Variants in CHM observed in about 807,000 individuals in gnomAD.
The protein encoded by CHM is rab proteins geranylgeranyltransferase component A 1.
Under a neutral mutation model 49.0 loss-of-function variants are expected in CHM, and 10 were observed. The observed-to-expected ratio is 0.20, with a 90% CI of 0.13 to 0.35. The LOEUF is 0.35. CHM is among the 10% of genes least tolerant of loss of function. The probability of loss-of-function intolerance (pLI) is 1.00; values close to 1 mark genes in which losing one functional copy is unlikely to be tolerated. For missense variants in CHM, 455 were observed against 478.4 expected (o/e 0.95, Z 0.46); for synonymous variants, 184 against 167.5 (o/e 1.10, Z -0.76).
At chrX:85,972,523 C>T (rs1047087734) in intron 4 of CHM, among the ~76,000 whole-genome samples, 3 of 113,259 alleles carry the variant, frequency 2.6e-5, no homozygotes, top group Non-Finnish European at 3.8e-5. Flanking sequence ...AGCTAAGGCC[C>T]GGTGAGAAAT....
chrX:85,987,982 G>A (rs1932002963), intron 2 of CHM, among the ~76,000 whole-genome samples: 2 of 111,669 alleles, frequency 1.8e-5, no homozygotes, highest in South Asian at 7.6e-4. Flanking sequence ...AAAAAAATGA[G>A]GGACTCCTCC....
chrX:85,976,069 A>G (rs747222061), intron 4 of CHM, among the ~76,000 whole-genome samples: 1 of 112,040 alleles, frequency 8.9e-6, no homozygotes, highest in African/African-American at 3.2e-5. Flanking sequence ...ATCATTTTTA[A>G]TACTCATCTT....
chrX:86,031,780 C>T (rs1174351661), intron 1 of CHM, among the ~76,000 whole-genome samples: 1 of 111,215 alleles, frequency 9.0e-6, no homozygotes, highest in African/African-American at 3.3e-5. Context: ...GCAAAGGTTG[C>T]GGTGAGCCAA....
intron 8 of CHM, among the ~76,000 whole-genome samples, chrX:85,944,298 G>C (rs1365028876): frequency 8.9e-6 from 1 of 111,820 alleles, no homozygotes; most frequent in Non-Finnish European, 1.9e-5. Flanking sequence ...TTTATCCAAA[G>C]AGAACTAAAA....
intron 8 of CHM, among the ~76,000 whole-genome samples, chrX:85,950,007 A>ATATATATATATATATATATATC (rs1929653898): frequency 2.4e-5 from 2 of 81,936 alleles, no homozygotes; most frequent in Non-Finnish European, 4.7e-5. Flanking sequence ...ATATATATAT[A>ATATATATATATATATATATATC]TATCTTGTAA....
At chrX:85,939,786 C>T (rs1451976157) in intron 8 of CHM, among the ~76,000 whole-genome samples, 1 of 112,241 alleles carries the variant, frequency 8.9e-6, no homozygotes, top group African/African-American at 3.2e-5. Flanking sequence ...TGGCACCTTG[C>T]TAAATAACCC....
At chrX:85,999,091 A>G (rs1047762866) in intron 2 of CHM, among the ~76,000 whole-genome samples, 22 of 109,316 alleles carry the variant, frequency 2.0e-4, no homozygotes, top group Admixed American at 5.9e-4. Flanking sequence ...TCCTACCTAG[A>G]AAAAAAAAAT....
chrX:85,893,363 A>C (rs1925605192), intron 12 of CHM, among the ~76,000 whole-genome samples: 1 of 112,084 alleles, frequency 8.9e-6, no homozygotes, highest in Non-Finnish European at 1.9e-5. Flanking sequence ...GTGAAAGAGC[A>C]GGTAAAGTAG....
intron 2 of CHM, among the ~76,000 whole-genome samples, chrX:86,022,677 T>C (rs1257949394): frequency 9.0e-6 from 1 of 111,201 alleles, no homozygotes; most frequent in African/African-American, 3.3e-5. Flanking sequence ...TCACAAATAA[T>C]GCCCAAATCT....
At chrX:85,978,684 C>G (rs910356713) in intron 4 of CHM, 83 bp downstream of exon 4, 1 of 1,023,609 alleles carries the variant, frequency 9.8e-7, no homozygotes, top group Non-Finnish European at 1.3e-6. Flanking sequence ...ACCAATGCCA[C>G]ATAAATCTTT....
intron 2 of CHM, among the ~76,000 whole-genome samples, chrX:86,006,173 T>C (rs1462463703): frequency 1.8e-5 from 2 of 111,717 alleles, no homozygotes; most frequent in Non-Finnish European, 3.8e-5. Context: ...CACATGATTA[T>C]CTCAAGAGGT....
At chrX:85,947,757 C>T (rs951088051) in intron 8 of CHM, among the ~76,000 whole-genome samples, 1 of 112,188 alleles carries the variant, frequency 8.9e-6, no homozygotes, top group African/African-American at 3.2e-5. Flanking sequence ...GCTTGTGTTA[C>T]ACAATTTCCT....
chrX:86,007,900 T>C (rs1436067194), intron 2 of CHM, among the ~76,000 whole-genome samples: 1 of 112,091 alleles, frequency 8.9e-6, no homozygotes, highest in Non-Finnish European at 1.9e-5. Context: ...AGCCATCCCA[T>C]TACTGGGTAT....
At chrX:85,978,268 A>G (rs1373147450) in intron 4 of CHM, among the ~76,000 whole-genome samples, 1 of 111,990 alleles carries the variant, frequency 8.9e-6, no homozygotes, top group Non-Finnish European at 1.9e-5. Flanking sequence ...TACGTATTCA[A>G]AAATGATAAT....
At chrX:85,971,776 C>T (rs1366448010) in intron 4 of CHM, among the ~76,000 whole-genome samples, 7 of 110,603 alleles carry the variant, frequency 6.3e-5, no homozygotes, top group Non-Finnish European at 9.5e-5. Flanking sequence ...CTGATTGGTG[C>T]GTTTACAATC....
intron 8 of CHM, among the ~76,000 whole-genome samples, chrX:85,944,394 T>C (rs921353689): frequency 8.9e-6 from 1 of 111,930 alleles, no homozygotes; most frequent in African/African-American, 3.2e-5. Flanking sequence ...TAAAATACCT[T>C]ACAGTCTATA....
chrX:85,956,295 C>A lies in CHM; in HGVS notation c.1024G>T (p.Ala342Ser). 3.3e-6 allele frequency: 4 copies of A among 1,211,128 alleles called. No homozygotes were observed. Among genetic ancestry groups the A allele is most frequent in the Non-Finnish European group, 4.5e-6 (4 of 895,128 alleles). ...NLQYIVMHSI[A>S]MTSETASSTI... ...CTGCTGGCTGTCTCTGATGTCATTG[C>A]AATTGAATGCATGACAATATATTGG... Residue 342 changes from alanine to serine, a missense_variant, in exon 8 of 15, where the codon GCA becomes TCA. Physicochemically the swap from Ala to Ser is moderately conservative, Grantham distance 99. Transcript: ENST00000357749.
At chrX:86,016,584 G>C (rs1053591324) in intron 2 of CHM, among the ~76,000 whole-genome samples, 1 of 112,722 alleles carries the variant, frequency 8.9e-6, no homozygotes, top group Non-Finnish European at 1.9e-5. Flanking sequence ...GAGCCTGCAA[G>C]TGTACAGAAG....
chrX:85,958,803 A>G, intron 6 of CHM, 58 bp downstream of exon 6: 1 of 1,208,207 alleles, frequency 8.3e-7, no homozygotes. Flanking sequence ...TATCTTTCCA[A>G]AACAAACCAT....
Sources: allele counts gnomAD v4.1 joint callset (sites outside exome capture counted in the v4.1 genomes callset), GRCh38; gene constraint gnomAD v4.1.1; transcripts MANE v1.5; gene names NCBI Gene and HGNC (gene_info 2026-07-23, HGNC 2026-07-21).